The following SAMTOR variants were observed in gnomAD, a reference collection of about 807,000 sequenced individuals.
SAMTOR encodes the protein S-adenosylmethionine sensor upstream of mTORC1, also known as UPF0532 protein C7orf60.
the SAMTOR span, chr7:112,820,652 T>C: frequency 6.6e-6 from 1 of 152,088 alleles, no homozygotes; most frequent in African/African-American, 2.4e-5. Flanking sequence ...CATTTATTAA[T>C]GTGGAAAGGG....
the SAMTOR span, among the ~76,000 whole-genome samples, chr7:112,840,648 A>T: frequency 1.3e-5 from 2 of 151,784 alleles, no homozygotes; most frequent in Admixed American, 1.3e-4. Flanking sequence ...TTCCTCTTCA[A>T]TTCATTCCAT....
the SAMTOR span, among the ~76,000 whole-genome samples, chr7:112,936,767 C>T: frequency 1.3e-5 from 2 of 152,230 alleles, no homozygotes; most frequent in East Asian, 3.9e-4. Flanking sequence ...TCCCTGCCAT[C>T]TCTCCCCAAA....
chr7:112,898,395 T>G, the SAMTOR span, among the ~76,000 whole-genome samples: 1 of 151,584 alleles, frequency 6.6e-6, no homozygotes, highest in East Asian at 2.0e-4. Context: ...TGTAGAGACT[T>G]CTTCCACTTG....
At chr7:112,858,218 T>C in the SAMTOR span, among the ~76,000 whole-genome samples, 1 of 152,062 alleles carries the variant, frequency 6.6e-6, no homozygotes, top group Non-Finnish European at 1.5e-5. Flanking sequence ...AAATATTTAG[T>C]AAGAACTATG....
chr7:112,939,203 T>C, the SAMTOR span: 28 of 206,642 alleles, frequency 1.4e-4, no homozygotes, highest in Non-Finnish European at 2.0e-5. Flanking sequence ...TTTTCGTCTT[T>C]TACAAATGGA....
At chr7:112,888,688 T>A in the SAMTOR span, among the ~76,000 whole-genome samples, 1 of 152,266 alleles carries the variant, frequency 6.6e-6, no homozygotes, top group Admixed American at 6.5e-5. Context: ...AGATATCAAA[T>A]GGCTTGAAAG....
At chr7:112,920,240 G>A in the SAMTOR span, among the ~76,000 whole-genome samples, 1 of 152,184 alleles carries the variant, frequency 6.6e-6, no homozygotes, top group Non-Finnish European at 1.5e-5. Context: ...GCATCAAAAA[G>A]CTTATCCGCC....
the SAMTOR span, among the ~76,000 whole-genome samples, chr7:112,925,178 TTTAA>T: frequency 6.6e-6 from 1 of 152,250 alleles, no homozygotes. Flanking sequence ...GAAACAATAC[TTTAA>T]TTAATGACAC....
the SAMTOR span, among the ~76,000 whole-genome samples, chr7:112,863,718 C>T: frequency 6.6e-6 from 1 of 151,996 alleles, no homozygotes; most frequent in African/African-American, 2.4e-5. Context: ...AAATGAAAAC[C>T]GCAATGAGAT....
At chr7:112,895,143 T>C in the SAMTOR span, among the ~76,000 whole-genome samples, 1 of 151,928 alleles carries the variant, frequency 6.6e-6, no homozygotes, top group East Asian at 1.9e-4. Context: ...TTTTGCTGTT[T>C]TGATTCTTTG....
At chr7:112,864,899 G>A in the SAMTOR span, among the ~76,000 whole-genome samples, 1 of 152,258 alleles carries the variant, frequency 6.6e-6, no homozygotes, top group African/African-American at 2.4e-5. Flanking sequence ...GGACAGAGGT[G>A]CGTAGCACCG....
the SAMTOR span, among the ~76,000 whole-genome samples, chr7:112,884,195 T>G: frequency 6.6e-6 from 1 of 152,104 alleles, no homozygotes; most frequent in Admixed American, 6.5e-5. Flanking sequence ...CCACAACATG[T>G]GGGGATTATA....
At chr7:112,832,768 C>A in the SAMTOR span, 7 of 728,068 alleles carry the variant, frequency 9.6e-6, no homozygotes, top group Admixed American at 7.8e-5. Context: ...GTCTCAGGAC[C>A]CTTTTACACA....
At chr7:112,884,249 A>C in the SAMTOR span, among the ~76,000 whole-genome samples, 5 of 152,134 alleles carry the variant, frequency 3.3e-5, no homozygotes, top group African/African-American at 4.8e-5. Flanking sequence ...ACAATGCCAG[A>C]TCACATCATT....
At chr7:112,877,358 G>A in the SAMTOR span, among the ~76,000 whole-genome samples, 4 of 152,134 alleles carry the variant, frequency 2.6e-5, no homozygotes, top group Non-Finnish European at 5.9e-5. Flanking sequence ...GTTTTCAAAT[G>A]TTTTGGTCTC....
At chr7:112,880,879 C>T in the SAMTOR span, among the ~76,000 whole-genome samples, 1 of 152,162 alleles carries the variant, frequency 6.6e-6, no homozygotes, top group Non-Finnish European at 1.5e-5. Context: ...GCTGCAAAGA[C>T]ACTGGCTGCA....
chr7:112,881,016 TG>T, the SAMTOR span, among the ~76,000 whole-genome samples: 5 of 151,894 alleles, frequency 3.3e-5, no homozygotes, highest in African/African-American at 1.2e-4. Flanking sequence ...GCTGTTCAGC[TG>T]CGGCTGCAGA....
chr7:112,869,227 T>A, the SAMTOR span, among the ~76,000 whole-genome samples: 4 of 152,134 alleles, frequency 2.6e-5, no homozygotes, highest in Non-Finnish European at 5.9e-5. Context: ...CAGCTCTACA[T>A]GCTGGGGACC....
At chr7:112,895,110 A>G in the SAMTOR span, among the ~76,000 whole-genome samples, 1 of 152,010 alleles carries the variant, frequency 6.6e-6, no homozygotes, top group Non-Finnish European at 1.5e-5. Flanking sequence ...GTAAATTCTT[A>G]GTGGATAGCC....
Sources: allele counts gnomAD v4.1 joint callset (sites outside exome capture counted in the v4.1 genomes callset), GRCh38; gene constraint gnomAD v4.1.1; transcripts MANE v1.5; gene names NCBI Gene and HGNC (gene_info 2026-07-23, HGNC 2026-07-21).